Variants in CDH11 observed in about 807,000 individuals in gnomAD.
The protein encoded by CDH11 is cadherin-11.
Under a neutral mutation model 67.8 loss-of-function variants are expected in CDH11, and 11 were observed. The ratio of observed to expected loss-of-function variants is 0.16; its 90% CI spans 0.10 to 0.27. The LOEUF (loss-of-function observed/expected upper bound fraction) is 0.27. CDH11 is among the 10% of genes least tolerant of loss of function. The pLI is 1.00. For missense variants in CDH11, 847 were observed against 1,031.2 expected (o/e 0.82, Z 2.45); for synonymous variants, 419 against 400.0 (o/e 1.05, Z -0.57).
intron 1 of CDH11, among the ~76,000 whole-genome samples, chr16:65,056,943 T>C (rs1463577172): frequency 6.6e-6 from 1 of 152,046 alleles, no homozygotes; most frequent in Non-Finnish European, 1.5e-5. Flanking sequence ...AAAGCAAAAA[T>C]AGATGGTGAA....
chr16:65,119,461 T>C (rs913317979), intron 1 of CDH11, among the ~76,000 whole-genome samples: 3 of 152,218 alleles, frequency 2.0e-5, no homozygotes, highest in Non-Finnish European at 4.4e-5. Context: ...CTGTCTGGTG[T>C]TCTGATAAGA....
At chr16:65,096,220 T>C (rs1007646577) in intron 1 of CDH11, among the ~76,000 whole-genome samples, 1 of 152,132 alleles carries the variant, frequency 6.6e-6, no homozygotes, top group African/African-American at 2.4e-5. Context: ...AGTATTCTTG[T>C]CTCTCCCTCA....
intron 1 of CDH11, among the ~76,000 whole-genome samples, chr16:65,060,735 A>G (rs1040798665): frequency 2.0e-5 from 3 of 152,174 alleles, no homozygotes; most frequent in African/African-American, 7.2e-5. Flanking sequence ...TATAATGCAC[A>G]TGATCAAACA....
upstream of CDH11, chr16:65,122,110 TGGCGGGCGGGCAGGCG>T: frequency 3.0e-5 from 2 of 66,680 alleles, no homozygotes; most frequent in Non-Finnish European, 5.6e-5. Flanking sequence ...CGGGGGGAGG[TGGCGGGCGGGCAGGCG>T]GGTGCGGGGC....
At chr16:65,002,853 T>C (rs1477079254) in intron 3 of CDH11, among the ~76,000 whole-genome samples, 1 of 152,102 alleles carries the variant, frequency 6.6e-6, no homozygotes, top group African/African-American at 2.4e-5. Context: ...TTGACATCCC[T>C]CCCAAATATT....
intron 1 of CDH11, among the ~76,000 whole-genome samples, chr16:65,067,783 G>A (rs2074339969): frequency 6.9e-6 from 1 of 145,160 alleles, no homozygotes; most frequent in Non-Finnish European, 1.5e-5. Context: ...AGGGAAGGGA[G>A]GGAGAGAGAG....
intron 2 of CDH11, among the ~76,000 whole-genome samples, chr16:65,049,578 C>T (rs781214758): frequency 3.0e-4 from 45 of 152,130 alleles, no homozygotes; most frequent in Admixed American, 7.9e-4. Flanking sequence ...TGTCATTGAC[C>T]TCTTTGCCCA....
chr16:65,118,118 A>G (rs2075273715), intron 1 of CDH11, among the ~76,000 whole-genome samples: 1 of 152,224 alleles, frequency 6.6e-6, no homozygotes, highest in Non-Finnish European at 1.5e-5. Context: ...TGATGCCCTC[A>G]AAAGCAGATG....
chr16:64,968,204 CT>C (rs1280752295), intron 11 of CDH11, among the ~76,000 whole-genome samples: 1 of 152,158 alleles, frequency 6.6e-6, no homozygotes, highest in East Asian at 1.9e-4. Context: ...CATATTCTTT[CT>C]TTATCTGAAA....
intron 8 of CDH11, among the ~76,000 whole-genome samples, chr16:64,979,992 T>C (rs891490183): frequency 1.4e-4 from 22 of 152,180 alleles, no homozygotes; most frequent in Admixed American, 1.4e-3. Flanking sequence ...TATTATTCCA[T>C]TTATATGAAA....
chr16:65,021,872 C>T (rs1418648089), intron 2 of CDH11, among the ~76,000 whole-genome samples: 1 of 59,224 alleles, frequency 1.7e-5, no homozygotes, highest in Non-Finnish European at 3.7e-5. Context: ...CCTAAAGTAA[C>T]TCAGAAAAAA....
In CDH11 at chr16:65,120,864, C is replaced by G. The variant is rs114906802; in HGVS notation, c.-298+1016G>C. ...CCGACCCCACTTTCTCTGGGGACTCCGCTTCACAGCGTGAGGCGGGCCCTC... is the reference window on the plus strand; with the variant it reads ...CCGACCCCACTTTCTCTGGGGACTCGGCTTCACAGCGTGAGGCGGGCCCTC... On this transcript the variant is annotated intron_variant, in intron 1 of 12. Transcript: ENST00000268603. 4.5e-3 allele frequency among the ~76,000 whole-genome samples: 679 copies of G among 152,308 alleles called. 4 individuals carry two copies. Among genetic ancestry groups the G allele is most frequent in the African/African-American group, 0.015 (640 of 41,584 alleles).
At chr16:64,999,559 A>T (rs1320728099) in intron 3 of CDH11, among the ~76,000 whole-genome samples, 2 of 151,692 alleles carry the variant, frequency 1.3e-5, no homozygotes, top group African/African-American at 4.8e-5. Flanking sequence ...TTTGAGGTGG[A>T]GTCTCACTCT....
Position 64,944,605 on chromosome 16 carries a change from T to A in CDH11, c.*2998A>T, listed in dbSNP as rs1184681563. The A allele has an allele frequency of 1.3e-5, 3 of 231,992 alleles. No individual in the cohort carries two copies. The East Asian group carries it at 1.8e-4, about 14-fold the overall frequency. The allele number at this position is 231,992 out of a possible 1,614,324, so 14.4% of individuals were successfully genotyped here. On this transcript the variant is annotated 3_prime_UTR_variant, in exon 13 of 13. Transcript: ENST00000268603. ...ATGACCCAGGAGCAGTTTCAAATAC[T>A]CCTGACCTGGTTCCACCTGACATAC...
intron 1 of CDH11, among the ~76,000 whole-genome samples, chr16:65,099,748 G>T (rs1422807875): frequency 2.0e-5 from 3 of 152,140 alleles, no homozygotes; most frequent in African/African-American, 7.2e-5. Context: ...ATCCAGTCTT[G>T]ACAGAAGCTA....
chr16:65,043,834 G>A (rs181783337), intron 2 of CDH11, among the ~76,000 whole-genome samples: 144 of 152,264 alleles, frequency 9.5e-4, no homozygotes, highest in African/African-American at 3.2e-3. Flanking sequence ...ATTGGTCTTG[G>A]GGGGAGGGGA....
At chr16:65,060,587 A>G (rs1026347723) in intron 1 of CDH11, among the ~76,000 whole-genome samples, 2 of 152,168 alleles carry the variant, frequency 1.3e-5, no homozygotes, top group African/African-American at 4.8e-5. Flanking sequence ...AGTTTTCTAA[A>G]GAACTACTAG....
At chr16:64,950,742 G>C (rs1487057531) in intron 12 of CDH11, 25 bp downstream of exon 12, 1 of 1,606,570 alleles carries the variant, frequency 6.2e-7, no homozygotes, top group Admixed American at 1.7e-5. Flanking sequence ...GGCCCTTCCT[G>C]CAGGGGACCA....
At chr16:65,038,609 A>G (rs1271195558) in intron 2 of CDH11, among the ~76,000 whole-genome samples, 4 of 152,208 alleles carry the variant, frequency 2.6e-5, no homozygotes, top group African/African-American at 9.6e-5. Context: ...CTTGCTTCTA[A>G]ATATCCGTGG....
Sources: allele counts gnomAD v4.1 joint callset (sites outside exome capture counted in the v4.1 genomes callset), GRCh38; gene constraint gnomAD v4.1.1; transcripts MANE v1.5; gene names NCBI Gene and HGNC (gene_info 2026-07-23, HGNC 2026-07-21).